The following SGCZ variants were observed in gnomAD, a reference collection of about 807,000 sequenced individuals.
SGCZ encodes sarcoglycan zeta.
In SGCZ, 40 loss-of-function variants were observed where a neutral mutation model predicts 41.3. The observed-to-expected ratio is 0.97, with a 90% confidence interval of 0.75 to 1.26. SGCZ has a LOEUF of 1.26. SGCZ is among the 50% of genes most tolerant of loss of function. The probability of loss-of-function intolerance (pLI) is 0.00; values close to 1 mark genes in which losing one functional copy is unlikely to be tolerated. For synonymous variants in SGCZ, 206 were observed against 137.5 expected (o/e 1.50, Z -3.49); for missense variants, 552 against 369.8 (o/e 1.49, Z -4.04).
At chr8:14,528,384 G>A (rs185333486) in intron 2 of SGCZ, among the ~76,000 whole-genome samples, 1 of 152,164 alleles carries the variant, frequency 6.6e-6, no homozygotes, top group African/African-American at 2.4e-5. Context: ...TAAACAATAT[G>A]TATGCGTGTT....
chr8:14,309,874 A>G (rs1411125514), intron 3 of SGCZ, among the ~76,000 whole-genome samples: 1 of 150,682 alleles, frequency 6.6e-6, no homozygotes, highest in Non-Finnish European at 1.5e-5. Flanking sequence ...TTTTGGCTAG[A>G]GTTTCTGCTA....
intron 4 of SGCZ, among the ~76,000 whole-genome samples, chr8:14,227,804 T>G (rs1450477677): frequency 6.6e-6 from 1 of 152,078 alleles, no homozygotes; most frequent in East Asian, 1.9e-4. Flanking sequence ...ATTTTTCTGG[T>G]ATATGCATTA....
intron 2 of SGCZ, among the ~76,000 whole-genome samples, chr8:14,500,056 C>A (rs543861478): frequency 6.6e-6 from 1 of 152,166 alleles, no homozygotes; most frequent in South Asian, 2.1e-4. Flanking sequence ...ACCTTTAGAG[C>A]ACCCATTAAA....
At chr8:14,493,298 T>C (rs1801895179) in intron 2 of SGCZ, among the ~76,000 whole-genome samples, 1 of 150,252 alleles carries the variant, frequency 6.7e-6, no homozygotes, top group African/African-American at 2.4e-5. Flanking sequence ...AAATGTAAAA[T>C]ACTTCTTGTC....
chr8:14,551,456 TATATATA>T (rs1803809509), intron 2 of SGCZ, among the ~76,000 whole-genome samples: 1 of 4,646 alleles, frequency 2.2e-4, no homozygotes, highest in African/African-American at 4.6e-4. Context: ...ATATATATAT[TATATATA>T]TTATATATAT....
rs937336026 is a variant in SGCZ at position 14,923,062 on chromosome 8, A to T, written c.39+314523T>A. On this transcript the variant is annotated intron_variant, in intron 1 of 7. Coordinates refer to ENST00000382080, the MANE Select transcript of SGCZ (RefSeq NM_139167.4). ...TTGAATTTTTTTAAAGGGCAATTAC[A>T]TGTGTTTTCCTAAACTGAAATTTTA... Among the ~76,000 whole-genome samples the T allele has an allele frequency of 1.3e-5, 2 of 152,316 alleles. 1 individual carries two copies. Among genetic ancestry groups the T allele is most frequent in the Admixed American group, 1.3e-4 (2 of 15,302 alleles).
intron 1 of SGCZ, among the ~76,000 whole-genome samples, chr8:15,156,386 C>A (rs951539557): frequency 6.6e-6 from 1 of 152,102 alleles, no homozygotes; most frequent in Non-Finnish European, 1.5e-5. Context: ...TGGCTTATCA[C>A]CTGTCCTAAG....
At chr8:14,283,657 T>A (rs1013573522) in intron 3 of SGCZ, among the ~76,000 whole-genome samples, 75 of 152,310 alleles carry the variant, frequency 4.9e-4, no homozygotes, top group South Asian at 4.1e-4. Context: ...AATTCAAGAT[T>A]TTGAACATTG....
chr8:14,865,392 T>A lies in SGCZ; in HGVS notation c.40-310466A>T, dbSNP rs536231077. On this transcript the variant is annotated intron_variant, in intron 1 of 7. Coordinates refer to ENST00000382080, the MANE Select transcript of SGCZ (RefSeq NM_139167.4). ...CCTCACCTTCCTATGATGTCTACCA[T>A]AGAAAGCCAAAGATTTCTCCTCTTT... is the stretch of plus-strand genomic sequence containing the variant. Among the ~76,000 whole-genome samples the A allele has an allele frequency of 6.2e-4, 94 of 152,138 alleles. No individual in the cohort carries two copies. The Middle Eastern group carries it at 0.017, about 28-fold the overall frequency.
chr8:14,137,877 G>T (rs1026832971), intron 5 of SGCZ, among the ~76,000 whole-genome samples: 11 of 152,116 alleles, frequency 7.2e-5, no homozygotes, highest in Non-Finnish European at 1.2e-4. Flanking sequence ...ACACATAATT[G>T]TCAGATTCAC....
intron 1 of SGCZ, among the ~76,000 whole-genome samples, chr8:14,697,514 A>AG (rs1809003109): frequency 6.6e-6 from 1 of 152,092 alleles, no homozygotes; most frequent in Non-Finnish European, 1.5e-5. Context: ...CAATCCATGT[A>AG]GTTAAAAAGT....
chr8:14,536,597 C>T (rs903515409), intron 2 of SGCZ, among the ~76,000 whole-genome samples: 25 of 151,808 alleles, frequency 1.6e-4, no homozygotes, highest in African/African-American at 5.8e-4. Context: ...AACTGAAAAT[C>T]TCCAAAAAGG....
At chr8:14,132,722 C>T (rs1478045) in intron 5 of SGCZ, among the ~76,000 whole-genome samples, 149,989 of 152,248 alleles carry the variant, frequency 0.99, 73,915 homozygotes, top group East Asian at 1. Flanking sequence ...GTAGCCTTTT[C>T]ATTTCTGTTT....
chr8:14,461,302 T>A (rs1197828954), intron 2 of SGCZ, among the ~76,000 whole-genome samples: 1 of 152,234 alleles, frequency 6.6e-6, no homozygotes, highest in African/African-American at 2.4e-5. Context: ...AGAACAACTC[T>A]TAGTTTTAGC....
At chr8:14,840,631 A>C (rs1405002890) in intron 1 of SGCZ, among the ~76,000 whole-genome samples, 1 of 152,092 alleles carries the variant, frequency 6.6e-6, no homozygotes, top group East Asian at 1.9e-4. Context: ...TTTCTCTTGC[A>C]CTCTAACTAT....
chr8:14,388,732 T>C (rs1322929114), intron 2 of SGCZ, among the ~76,000 whole-genome samples: 1 of 151,850 alleles, frequency 6.6e-6, no homozygotes, highest in Non-Finnish European at 1.5e-5. Flanking sequence ...GAGTTATTAA[T>C]GATGTAACAG....
At chr8:14,389,475 G>GT (rs1804683921) in intron 2 of SGCZ, among the ~76,000 whole-genome samples, 1 of 140,218 alleles carries the variant, frequency 7.1e-6, no homozygotes, top group African/African-American at 2.8e-5. Context: ...TAACCTGACA[G>GT]GAAAAAAAAA....
chr8:14,822,503 A>C (rs2130572806), intron 1 of SGCZ, among the ~76,000 whole-genome samples: 1 of 152,318 alleles, frequency 6.6e-6, no homozygotes, highest in South Asian at 2.1e-4. Flanking sequence ...GGAATCACAA[A>C]AGACCCTAAA....
intron 3 of SGCZ, among the ~76,000 whole-genome samples, chr8:14,247,122 T>C (rs1330974206): frequency 1.3e-5 from 2 of 152,170 alleles, no homozygotes; most frequent in African/African-American, 2.4e-5. Context: ...ATATTATCTA[T>C]GTATCAATCA....
Sources: gnomAD v4.1 joint callset for allele counts (sites outside exome capture counted in the v4.1 genomes callset) on GRCh38, gnomAD v4.1.1 for gene constraint, MANE v1.5 for transcripts, NCBI Gene and HGNC (gene_info 2026-07-23, HGNC 2026-07-21) for gene names.